The following EPM2A variants were observed in gnomAD, a reference collection of about 807,000 sequenced individuals.
EPM2A encodes the protein laforin.
EPM2A carries 21 observed loss-of-function variants against 26.5 expected under a neutral mutation model. That is an observed-to-expected ratio of 0.79 (90% confidence interval 0.56 to 1.14). The LOEUF (loss-of-function observed/expected upper bound fraction) is 1.14, where lower values mean the gene tolerates loss of function less well. Ranked by LOEUF, EPM2A falls within the 50% of genes most tolerant of loss-of-function variation. EPM2A has a pLI of 0.00. For missense variants in EPM2A, 458 were observed against 440.8 expected, an observed-to-expected ratio of 1.04 and a Z score of -0.35; for synonymous variants, 217 against 177.6, an observed-to-expected ratio of 1.22 and a Z score of -1.76.
intron 1 of EPM2A, among the ~76,000 whole-genome samples, chr6:145,720,145 GC>G (rs1330651938): frequency 6.6e-6 from 1 of 152,012 alleles, no homozygotes; most frequent in Non-Finnish European, 1.5e-5. Flanking sequence ...ACATTATCAA[GC>G]TAAAATTTCA....
chr6:145,497,396 C>T (rs1012527328), downstream of EPM2A, among the ~76,000 whole-genome samples: 11 of 152,186 alleles, frequency 7.2e-5, no homozygotes, highest in African/African-American at 2.7e-4. Flanking sequence ...AGCAAAGTGG[C>T]AGCCTGCCCC....
intron 1 of EPM2A, among the ~76,000 whole-genome samples, chr6:145,694,760 C>T (rs1020596419): frequency 6.6e-5 from 10 of 151,992 alleles, no homozygotes; most frequent in African/African-American, 2.4e-4. Flanking sequence ...AAGTTTTATG[C>T]ACTTCTGTAA....
intron 2 of EPM2A, among the ~76,000 whole-genome samples, chr6:145,508,607 A>C (rs1418762325): frequency 6.6e-6 from 1 of 152,216 alleles, no homozygotes; most frequent in African/African-American, 2.4e-5. Context: ...AAACAATAGC[A>C]AATTAAAAAG....
rs1453096496 is a variant in EPM2A at position 145,475,384 on chromosome 6, GT to G, written c.555+27137del. ...AGGAACAGAAAACCGAACACTGCAT[GT>G]TCTCACTCATAAGTTGGAGTTGAAC... On this transcript the variant is annotated intron_variant, in intron 4 of 4. Coordinates refer to the EPM2A transcript ENST00000638717. Among the ~76,000 whole-genome samples, 4 of 152,232 alleles carry G rather than the reference GT, an allele frequency of 2.6e-5. No homozygotes were observed. The East Asian group carries it at 7.7e-4, about 29-fold the overall frequency.
At chr6:145,596,655 T>C (rs1029260039) in intron 2 of EPM2A, among the ~76,000 whole-genome samples, 1 of 152,130 alleles carries the variant, frequency 6.6e-6, no homozygotes, top group Non-Finnish European at 1.5e-5. Flanking sequence ...TTTCTATTAA[T>C]GGCTTCCTAC....
chr6:145,552,880 G>A lies in EPM2A; in HGVS notation c.341-50305C>T, dbSNP rs1306562280. ...TTTATCTGATTGGTTATTAAAGAAA[G>A]ACAATCATTGGTGGAATATAGCATG... is the stretch of plus-strand genomic sequence containing the variant. On this transcript the variant is annotated intron_variant, in intron 2 of 3. Coordinates refer to the EPM2A transcript ENST00000450221. 2.0e-5 allele frequency among the ~76,000 whole-genome samples: 3 copies of A among 152,036 alleles called. No homozygotes were observed. In the East Asian group the frequency reaches 5.8e-4, roughly 29 times the overall value.
intron 2 of EPM2A, among the ~76,000 whole-genome samples, chr6:145,526,118 C>T (rs1336173451): frequency 6.6e-6 from 1 of 151,956 alleles, no homozygotes; most frequent in South Asian, 2.1e-4. Context: ...TATACTGAAC[C>T]ATCCTTGCAT....
At chr6:145,502,922 T>G (rs1442849806) in intron 2 of EPM2A, among the ~76,000 whole-genome samples, 2 of 152,198 alleles carry the variant, frequency 1.3e-5, no homozygotes, top group Non-Finnish European at 2.9e-5. Flanking sequence ...GAATACATAT[T>G]AAGATTATTT....
intron 4 of EPM2A, among the ~76,000 whole-genome samples, chr6:145,451,787 T>A (rs1779198390): frequency 6.6e-6 from 1 of 152,250 alleles, no homozygotes; most frequent in South Asian, 2.1e-4. Flanking sequence ...AATTATTTTT[T>A]AATTTTAATT....
intron 2 of EPM2A, among the ~76,000 whole-genome samples, chr6:145,542,881 C>T (rs1289475548): frequency 3.3e-5 from 5 of 152,216 alleles, no homozygotes; most frequent in African/African-American, 9.6e-5. Flanking sequence ...GTCTCAGCCT[C>T]CCGCGTAGCT....
chr6:145,673,803 C>G (rs1157047249), intron 2 of EPM2A, among the ~76,000 whole-genome samples: 1 of 152,172 alleles, frequency 6.6e-6, no homozygotes, highest in African/African-American at 2.4e-5. Flanking sequence ...GAGCCCACTG[C>G]AGCTCAGCTT....
intron 4 of EPM2A, among the ~76,000 whole-genome samples, chr6:145,402,604 C>T (rs2114667936): frequency 6.6e-6 from 1 of 152,172 alleles, no homozygotes; most frequent in Non-Finnish European, 1.5e-5. Flanking sequence ...TTTTAGGAAA[C>T]TCCCTAATGT....
At chr6:145,407,484 AC>A (rs1778585301) in intron 4 of EPM2A, among the ~76,000 whole-genome samples, 1 of 152,198 alleles carries the variant, frequency 6.6e-6, no homozygotes, top group African/African-American at 2.4e-5. Context: ...AAAAAAGGCT[AC>A]AGCATAAATG....
chr6:145,449,454 G>A (rs1355348646), intron 4 of EPM2A, among the ~76,000 whole-genome samples: 2 of 152,118 alleles, frequency 1.3e-5, no homozygotes, highest in Non-Finnish European at 2.9e-5. Flanking sequence ...ATTTTGTTGA[G>A]AAAAAATTTG....
At chr6:145,648,573 A>G (rs1777654716) in intron 2 of EPM2A, among the ~76,000 whole-genome samples, 1 of 152,230 alleles carries the variant, frequency 6.6e-6, no homozygotes, top group South Asian at 2.1e-4. Context: ...GTGATTCTAG[A>G]GCAGTGTTTC....
rs117247579 is a variant in EPM2A at position 145,495,961 on chromosome 6, G to A, written c.555+6561C>T. ...TAAAAGTTTTTCCTTTCCATATTTA[G>A]TGCTTCCTTTAGAAGCTCTTCTAAG... On this transcript the variant is annotated intron_variant, in intron 4 of 4. Transcript: ENST00000638717. 4.6e-5 allele frequency among the ~76,000 whole-genome samples: 7 copies of A among 152,212 alleles called. No individual in the cohort carries two copies. In the East Asian group the frequency reaches 1.4e-3, roughly 29 times the overall value.
At chr6:145,581,078 TTAAG>T (rs1398591647) in intron 2 of EPM2A, among the ~76,000 whole-genome samples, 3 of 152,068 alleles carry the variant, frequency 2.0e-5, no homozygotes. Context: ...TTTAAATTAT[TTAAG>T]TAACCACCAA....
At chr6:145,662,407 C>T (rs1412868996) in intron 2 of EPM2A, among the ~76,000 whole-genome samples, 1 of 151,422 alleles carries the variant, frequency 6.6e-6, no homozygotes, top group Non-Finnish European at 1.5e-5. Context: ...TCTCATTCTG[C>T]CTAAAACTAG....
chr6:145,578,873 G>C (rs561048856), intron 2 of EPM2A, among the ~76,000 whole-genome samples: 1 of 152,018 alleles, frequency 6.6e-6, no homozygotes, highest in African/African-American at 2.4e-5. Context: ...GAAGAAGGGC[G>C]TCTCAGCTCC....
Sources: gnomAD v4.1 joint callset for allele counts (sites outside exome capture counted in the v4.1 genomes callset) on GRCh38, gnomAD v4.1.1 for gene constraint, MANE v1.5 for transcripts, NCBI Gene and HGNC (gene_info 2026-07-23, HGNC 2026-07-21) for gene names.